PGAP2: variants seen among roughly 807,000 people sequenced by gnomAD.
PGAP2 encodes post-GPI attachment to proteins 2.
Under a neutral mutation model 33.2 loss-of-function variants are expected in PGAP2, and 21 were observed. The observed-to-expected ratio is 0.63, with a 90% confidence interval of 0.45 to 0.91. The LOEUF (loss-of-function observed/expected upper bound fraction) is 0.91. PGAP2 is among the 40% of genes least tolerant of loss of function. The probability of loss-of-function intolerance (pLI) is 0.00; values close to 1 mark genes in which losing one functional copy is unlikely to be tolerated. For synonymous variants in PGAP2, 161 were observed against 172.9 expected, an observed-to-expected ratio of 0.93 and a Z score of 0.54; for missense variants, 345 against 424.0, an observed-to-expected ratio of 0.81 and a Z score of 1.64.
intron 2 of PGAP2, among the ~76,000 whole-genome samples, chr11:3,815,886 A>T (rs2086891765): frequency 6.6e-6 from 1 of 152,126 alleles, no homozygotes. Flanking sequence ...AGGCCCAACA[A>T]GCCCTCTCAG....
At chr11:3,810,423 C>G (rs1441725880) in intron 1 of PGAP2, among the ~76,000 whole-genome samples, 1 of 152,126 alleles carries the variant, frequency 6.6e-6, no homozygotes, top group Non-Finnish European at 1.5e-5. Flanking sequence ...CGGAGCTGGG[C>G]TAGGATTGTT....
intron 1 of PGAP2, chr11:3,798,111 C>A: frequency 1.4e-6 from 2 of 1,473,748 alleles, no homozygotes; most frequent in South Asian, 1.3e-5. Flanking sequence ...GTCTGTCTGT[C>A]CAAAGAGTTT....
Position 3,822,092 on chromosome 11 carries a change from C to T in PGAP2, c.349-1791C>T, listed in dbSNP as rs1048050929. Reference sequence around the variant, plus strand: ...AAAGCAAAAACAAAACGGCCGGGCGCAGTGGCTCACGTCTGTAATTCCAGC... The same window carrying T: ...AAAGCAAAAACAAAACGGCCGGGCGTAGTGGCTCACGTCTGTAATTCCAGC... On this transcript the variant is annotated intron_variant, in intron 3 of 6. Coordinates refer to ENST00000278243, the MANE Select transcript of PGAP2 (RefSeq NM_014489.4). Among the ~76,000 whole-genome samples, 6 of 151,424 alleles carry T rather than the reference C, an allele frequency of 4.0e-5. No individual in the cohort carries two copies. The East Asian group carries it at 5.9e-4, about 15-fold the overall frequency.
chr11:3,808,189 G>C (rs2278845), upstream of PGAP2: 1,110,394 of 1,481,836 alleles, frequency 0.75, 423,585 homozygotes, highest in Non-Finnish European at 0.79. Flanking sequence ...TTTCAGAAGG[G>C]CGAGGCTGGA....
intron 1 of PGAP2, among the ~76,000 whole-genome samples, chr11:3,798,634 A>ACTTTTTT (rs1172054010): frequency 4.0e-5 from 3 of 75,762 alleles, no homozygotes; most frequent in Admixed American, 1.4e-4. Flanking sequence ...CCCATGAACT[A>ACTTTTTT]ATTTTTTTTT....
chr11:3,810,932 A>T lies in PGAP2; in HGVS notation c.-10-318A>T, dbSNP rs746979793. On this transcript the variant is annotated intron_variant, in intron 1 of 6. Transcript: ENST00000278243. ...GAAATAAAGAGAGACACTTATTTAA[A>T]GCAGCTTCTCTAGTCCTAGGCCTGT... Among the ~76,000 whole-genome samples the T allele has an allele frequency of 5.9e-4, 90 of 152,226 alleles. 1 individual carries two copies. Among genetic ancestry groups the T allele is most frequent in the Non-Finnish European group, 2.6e-4 (18 of 68,052 alleles).
chr11:3,814,816 T>TTCTTTCTTTC (rs2086588598), intron 2 of PGAP2, among the ~76,000 whole-genome samples: 21 of 117,820 alleles, frequency 1.8e-4, no homozygotes, highest in East Asian at 1.7e-3. Context: ...TTCTTTCTCT[T>TTCTTTCTTTC]TCTTTCTTTT....
intron 3 of PGAP2, among the ~76,000 whole-genome samples, chr11:3,820,486 T>C (rs967726303): frequency 3.9e-5 from 6 of 152,140 alleles, no homozygotes; most frequent in Non-Finnish European, 8.8e-5. Flanking sequence ...CTGGCCAACA[T>C]GGTGAAACCC....
intron 2 of PGAP2, chr11:3,816,263 T>C (rs1466375393): frequency 6.5e-6 from 1 of 152,854 alleles, no homozygotes; most frequent in African/African-American, 2.4e-5. Flanking sequence ...GTGTGAGTGT[T>C]CCTTCATGAG....
rs1565068398 is a variant in PGAP2 at position 3,825,357 on chromosome 11, A to G, written c.847A>G (p.Thr283Ala). Reference sequence around the variant, plus strand: ...CACCATCTTTGCCATCCTGGAGTACACTGTTGTCTTAACCAACATGGCGTT... The same window carrying G: ...CACCATCTTTGCCATCCTGGAGTACGCTGTTGTCTTAACCAACATGGCGTT... The part of the protein sequence containing the change: ...VYTIFAILEY[T>A]VVLTNMAFHM... Residue 283 changes from threonine (T) to alanine (A), a missense_variant, in exon 7 of 7, where the codon ACT (threonine) becomes GCT (alanine). Thr to Ala is a moderately conservative substitution (Grantham distance 58). This residue lies in a region of PGAP2 where 311 missense variants were observed against 353.6 expected (regional missense o/e 0.88). Transcript: ENST00000278243. The G allele has an allele frequency of 3.1e-6, 5 of 1,613,824 alleles. No individual in the cohort carries two copies. The highest frequency in any genetic ancestry group is 1.1e-5 in the South Asian group (1 of 91,070).
intron 3 of PGAP2, among the ~76,000 whole-genome samples, chr11:3,820,165 TCTGA>T (rs2088194718): frequency 6.6e-6 from 1 of 152,164 alleles, no homozygotes; most frequent in South Asian, 2.1e-4. Context: ...GAGGCAATGC[TCTGA>T]CTAACTCAAC....
In PGAP2 at chr11:3,811,197, T is replaced by A. The variant is rs879039167; in HGVS notation, c.-10-53T>A. 2 of 1,536,848 alleles carry A rather than the reference T, an allele frequency of 1.3e-6. No individual in the cohort carries two copies. The highest frequency in any genetic ancestry group is 2.3e-5 in the East Asian group (1 of 44,270). ...TGAGCACAAGGGCTGACTTTATCAC[T>A]GAGTGCCAGCCTGGCTGCCTGGGGC... On this transcript the variant is annotated intron_variant, in intron 1 of 6. Transcript: ENST00000278243. The surrounding 1 kb of genome is among the most constrained non-coding windows in gnomAD (Gnocchi z 4.6).
chr11:3,804,067 A>G (rs1459515915), upstream of PGAP2, among the ~76,000 whole-genome samples: 1 of 151,578 alleles, frequency 6.6e-6, no homozygotes, highest in African/African-American at 2.4e-5. Context: ...CTGGGATTAC[A>G]GGCATGAGCC....
intron 3 of PGAP2, among the ~76,000 whole-genome samples, chr11:3,821,388 CGTT>C (rs2088593008): frequency 1.3e-5 from 2 of 152,226 alleles, no homozygotes; most frequent in African/African-American, 4.8e-5. Context: ...CGCTGGCCCT[CGTT>C]GGAGGTCTGC....
chr11:3,819,329 G>A (rs74050208), intron 3 of PGAP2, among the ~76,000 whole-genome samples: 3,045 of 152,188 alleles, frequency 0.02, 96 homozygotes, highest in African/African-American at 0.07. Flanking sequence ...TAAGGTCAGG[G>A]GCAAGAGTAG....
intron 3 of PGAP2, among the ~76,000 whole-genome samples, chr11:3,819,848 A>T (rs1221885706): frequency 6.6e-6 from 1 of 151,926 alleles, no homozygotes; most frequent in Non-Finnish European, 1.5e-5. Context: ...GTCTGTGTGT[A>T]TATGTGCGTG....
intron 1 of PGAP2, chr11:3,798,124 C>T: frequency 6.9e-7 from 1 of 1,458,784 alleles, no homozygotes; most frequent in Non-Finnish European, 9.0e-7. Context: ...AAGAGTTTGC[C>T]CGAGGCTTCT....
chr11:3,822,146 C>T (rs985526169), intron 3 of PGAP2, among the ~76,000 whole-genome samples: 4 of 151,902 alleles, frequency 2.6e-5, no homozygotes, highest in Admixed American at 6.6e-5. Flanking sequence ...GGGCGGATCA[C>T]GAGGTCAGGA....
chr11:3,817,772 C>T (rs1226041162), intron 3 of PGAP2: 3 of 656,524 alleles, frequency 4.6e-6, no homozygotes, highest in South Asian at 1.5e-5. Context: ...AGATGACGGG[C>T]GCAGTGGCTC....
Sources: allele counts gnomAD v4.1 joint callset (sites outside exome capture counted in the v4.1 genomes callset), GRCh38; gene constraint gnomAD v4.1.1; regional missense constraint gnomAD v4.1.1; non-coding constraint Gnocchi (gnomAD v3.1); transcripts MANE v1.5; gene names NCBI Gene and HGNC (gene_info 2026-07-23, HGNC 2026-07-21).